Variants in VIT observed in about 807,000 individuals in gnomAD.
The protein encoded by VIT is vitrin.
Under a neutral mutation model 78.0 loss-of-function variants are expected in VIT, and 99 were observed. That is an observed-to-expected ratio of 1.27 (90% CI 1.08 to 1.50). The LOEUF (loss-of-function observed/expected upper bound fraction) is 1.50. VIT is among the 40% of genes most tolerant of loss of function. VIT has a pLI of 0.00. For synonymous variants in VIT, 374 were observed against 334.3 expected (o/e 1.12, Z -1.29); for missense variants, 1,126 against 875.3 (o/e 1.29, Z -3.61).
intron 3 of VIT, among the ~76,000 whole-genome samples, chr2:36,737,889 A>G (rs1667603604): frequency 6.6e-6 from 1 of 152,196 alleles, no homozygotes; most frequent in African/African-American, 2.4e-5. Context: ...TTCTCAGACC[A>G]TGAAAAAGGA....
At chr2:36,753,429 G>A (rs1668586007) in intron 4 of VIT, among the ~76,000 whole-genome samples, 1 of 152,106 alleles carries the variant, frequency 6.6e-6, no homozygotes, top group African/African-American at 2.4e-5. Context: ...CTTCTCATGT[G>A]GAAACATAAA....
chr2:36,768,576 A>G (rs975578266), intron 7 of VIT, among the ~76,000 whole-genome samples: 3 of 152,222 alleles, frequency 2.0e-5, no homozygotes, highest in Admixed American at 2.0e-4. Context: ...AATCCATTGT[A>G]TTGATGAGGA....
chr2:36,759,610 T>C (rs983376384), intron 6 of VIT: 31 of 1,011,220 alleles, frequency 3.1e-5, no homozygotes, highest in Non-Finnish European at 3.4e-5. Flanking sequence ...AGAACTGTAC[T>C]ATGCATTATT....
chr2:36,791,812 G>A (rs561967696), intron 12 of VIT, among the ~76,000 whole-genome samples: 65 of 152,316 alleles, frequency 4.3e-4, no homozygotes, highest in Non-Finnish European at 7.3e-5. Flanking sequence ...TGGGACCTCC[G>A]GAACTCTCAA....
chr2:36,785,450 G>A (rs1377759741), intron 11 of VIT, among the ~76,000 whole-genome samples: 1 of 152,134 alleles, frequency 6.6e-6, no homozygotes, highest in African/African-American at 2.4e-5. Context: ...AACATGATAA[G>A]CTGCATATGA....
At chr2:36,737,890 T>C (rs747758306) in intron 3 of VIT, among the ~76,000 whole-genome samples, 15 of 152,092 alleles carry the variant, frequency 9.9e-5, no homozygotes, top group Non-Finnish European at 2.1e-4. Flanking sequence ...TCTCAGACCA[T>C]GAAAAAGGAA....
chr2:36,785,093 C>A (rs1447803858), intron 11 of VIT, among the ~76,000 whole-genome samples: 1 of 152,198 alleles, frequency 6.6e-6, no homozygotes, highest in Non-Finnish European at 1.5e-5. Flanking sequence ...TATCCATGTA[C>A]TTTATTCATG....
chr2:36,716,452 C>T (rs778324208), intron 2 of VIT, 30 bp downstream of exon 2: 3 of 1,608,668 alleles, frequency 1.9e-6, no homozygotes, highest in South Asian at 1.1e-5. Context: ...TATCTGGATA[C>T]CCTTTTAAAA....
chr2:36,704,312 A>C (rs1261553281), intron 1 of VIT, among the ~76,000 whole-genome samples: 1 of 152,194 alleles, frequency 6.6e-6, no homozygotes, highest in Non-Finnish European at 1.5e-5. Flanking sequence ...TAGGATCACC[A>C]TGACAATTAA....
chr2:36,729,352 C>T (rs1333264274), intron 2 of VIT, 74 bp from the exon 3 acceptor site: 27 of 1,322,876 alleles, frequency 2.0e-5, no homozygotes, highest in Non-Finnish European at 2.7e-5. Flanking sequence ...ATGATCGAAG[C>T]AAGTATGAGT....
intron 2 of VIT, among the ~76,000 whole-genome samples, chr2:36,726,441 T>G (rs989999676): frequency 3.9e-5 from 6 of 152,370 alleles, no homozygotes; most frequent in Admixed American, 2.6e-4. Flanking sequence ...ATATTATACT[T>G]TTGTATTCAT....
chr2:36,806,540 A>G (rs1666739482), intron 14 of VIT, among the ~76,000 whole-genome samples: 2 of 150,874 alleles, frequency 1.3e-5, no homozygotes, highest in South Asian at 4.2e-4. Flanking sequence ...CACTGCTTCC[A>G]CCTTTATCTC....
intron 2 of VIT, among the ~76,000 whole-genome samples, chr2:36,720,261 C>A (rs1219224551): frequency 1.3e-5 from 2 of 152,094 alleles, no homozygotes; most frequent in Non-Finnish European, 2.9e-5. Flanking sequence ...CTATAGTAAT[C>A]AAAACAGCAT....
At chr2:36,746,545 G>A (rs1038919593) in intron 4 of VIT, among the ~76,000 whole-genome samples, 1 of 152,072 alleles carries the variant, frequency 6.6e-6, no homozygotes, top group African/African-American at 2.4e-5. Flanking sequence ...TGTGTTTACA[G>A]GACTTTATGC....
intron 2 of VIT, among the ~76,000 whole-genome samples, chr2:36,718,803 T>C (rs979906298): frequency 6.6e-6 from 1 of 152,196 alleles, no homozygotes; most frequent in Non-Finnish European, 1.5e-5. Context: ...CTACAATTGC[T>C]GTATATGCCT....
intron 12 of VIT, among the ~76,000 whole-genome samples, chr2:36,795,694 C>A (rs1373593476): frequency 6.6e-6 from 1 of 152,102 alleles, no homozygotes; most frequent in East Asian, 1.9e-4. Flanking sequence ...GGATTACAGG[C>A]GCCCAGCCCA....
chr2:36,773,673 G>C, intron 7 of VIT, 118 bp from the exon 8 acceptor site: 2 of 859,704 alleles, frequency 2.3e-6, no homozygotes, highest in Non-Finnish European at 3.2e-6. Flanking sequence ...GCAGTGAGCT[G>C]AGATCGCACC....
chr2:36,766,887 T>C (rs1669461909), intron 6 of VIT, among the ~76,000 whole-genome samples: 1 of 152,272 alleles, frequency 6.6e-6, no homozygotes, highest in African/African-American at 2.4e-5. Flanking sequence ...TTTATTGCTA[T>C]TGAATCTTTG....
chr2:36,735,411 C>T (rs11686810), intron 3 of VIT, among the ~76,000 whole-genome samples: 51,888 of 152,066 alleles, frequency 0.34, 10,969 homozygotes, highest in Non-Finnish European at 0.47. Context: ...CTCCAAACTG[C>T]CAATTGCTGG....
Sources: gnomAD v4.1 joint callset for allele counts (sites outside exome capture counted in the v4.1 genomes callset) on GRCh38, gnomAD v4.1.1 for gene constraint, MANE v1.5 for transcripts, NCBI Gene and HGNC (gene_info 2026-07-23, HGNC 2026-07-21) for gene names.